Variants in INPP4B observed in about 807,000 individuals in gnomAD.
INPP4B encodes inositol polyphosphate-4-phosphatase type II B.
A neutral mutation model predicts 122.5 loss-of-function variants in INPP4B; 55 were observed. That is an observed-to-expected ratio of 0.45 (90% CI 0.36 to 0.56). The LOEUF (loss-of-function observed/expected upper bound fraction) is 0.56, where lower values mean the gene tolerates loss of function less well. INPP4B is among the 20% of genes least tolerant of loss of function. The pLI is 0.00. For missense variants in INPP4B, 1,000 were observed against 1,097.7 expected (o/e 0.91, Z 1.26); for synonymous variants, 403 against 388.7 (o/e 1.04, Z -0.43).
intron 5 of INPP4B, among the ~76,000 whole-genome samples, chr4:142,420,049 C>T (rs1806538268): frequency 6.6e-6 from 1 of 151,614 alleles, no homozygotes; most frequent in Non-Finnish European, 1.5e-5. Context: ...AGGTAAACCA[C>T]AAAGAAGTAG....
rs181792139 is a variant in INPP4B, at chr4:142,126,230, G to A, written c.1721-1470C>T. 3.8e-4 allele frequency among the ~76,000 whole-genome samples: 58 copies of A among 152,142 alleles called. No individual in the cohort carries two copies. In the East Asian group the frequency reaches 4.1e-3, roughly 11 times the overall value. On this transcript the variant is annotated intron_variant, in intron 18 of 25. Transcript: ENST00000262992. ...TTTGATATGAATGAGTGCATGCTGC[G>A]AAATTAATTATAAAGCAGGAACTGA...
intron 9 of INPP4B, among the ~76,000 whole-genome samples, chr4:142,299,169 TGGGG>T (rs71250020): frequency 0.2 from 29,749 of 145,270 alleles, 4,244 homozygotes; most frequent in African/African-American, 0.4. Context: ...TTTTTTTTTT[TGGGG>T]GGGAGACAGA....
intron 1 of INPP4B, chr4:142,767,787 T>C (rs1305920817): frequency 6.6e-6 from 1 of 152,160 alleles, no homozygotes; most frequent in African/African-American, 2.4e-5. Context: ...GAATGCCTCT[T>C]AGAATTGTCC....
chr4:142,646,216 G>A (rs1270746642), intron 2 of INPP4B, among the ~76,000 whole-genome samples: 6 of 152,070 alleles, frequency 3.9e-5, no homozygotes, highest in African/African-American at 1.4e-4. Context: ...TCTCAATGAA[G>A]TTGATTTTTA....
chr4:142,074,745 A>C (rs1769581940), intron 25 of INPP4B, among the ~76,000 whole-genome samples: 1 of 152,096 alleles, frequency 6.6e-6, no homozygotes. Context: ...GATCTCAAAA[A>C]CTTGATATCA....
chr4:142,364,045 G>T (rs899298525), intron 7 of INPP4B, among the ~76,000 whole-genome samples: 3 of 151,906 alleles, frequency 2.0e-5, no homozygotes, highest in Non-Finnish European at 4.4e-5. Flanking sequence ...TTCTAGAAAA[G>T]CAATATAGCT....
chr4:142,234,201 C>T (rs1855682243), intron 12 of INPP4B, among the ~76,000 whole-genome samples: 1 of 152,158 alleles, frequency 6.6e-6, no homozygotes, highest in African/African-American at 2.4e-5. Flanking sequence ...GCTCTTTGTC[C>T]TGCACATCTA....
intron 14 of INPP4B, among the ~76,000 whole-genome samples, chr4:142,206,543 TA>T (rs1842672199): frequency 6.6e-6 from 1 of 151,902 alleles, no homozygotes. Context: ...TAGAAAACAA[TA>T]AAGTTTAATT....
At chr4:142,463,236 A>T (rs1468180591) in intron 2 of INPP4B, among the ~76,000 whole-genome samples, 1 of 152,208 alleles carries the variant, frequency 6.6e-6, no homozygotes, top group African/African-American at 2.4e-5. Context: ...TGGATCAGAT[A>T]TATTTATTCT....
chr4:142,295,772 T>C (rs1181503270), intron 9 of INPP4B, among the ~76,000 whole-genome samples: 3 of 151,918 alleles, frequency 2.0e-5, no homozygotes, highest in Non-Finnish European at 2.9e-5. Context: ...TAGAGGACTT[T>C]CAAACTTATT....
intron 1 of INPP4B, among the ~76,000 whole-genome samples, chr4:142,751,283 C>CAAAAA (rs70949187): frequency 8.6e-5 from 9 of 105,054 alleles, no homozygotes; most frequent in Non-Finnish European, 1.2e-4. Context: ...TTAACTGTGT[C>CAAAAA]AAAAAAAAAA....
intron 1 of INPP4B, among the ~76,000 whole-genome samples, chr4:142,825,671 A>G (rs2151166610): frequency 6.6e-6 from 1 of 152,234 alleles, no homozygotes; most frequent in Admixed American, 6.5e-5. Flanking sequence ...GAGTTAGAGT[A>G]TATGGGGAGA....
At chr4:142,634,159 T>C (rs906034204) in intron 2 of INPP4B, among the ~76,000 whole-genome samples, 2 of 152,186 alleles carry the variant, frequency 1.3e-5, no homozygotes, top group Non-Finnish European at 2.9e-5. Flanking sequence ...AACATGTGAA[T>C]AAATAGATAA....
intron 8 of INPP4B, among the ~76,000 whole-genome samples, chr4:142,312,846 A>G (rs960165695): frequency 1.3e-5 from 2 of 152,158 alleles, no homozygotes; most frequent in Non-Finnish European, 2.9e-5. Flanking sequence ...GAGCCAGCAA[A>G]TCAGTATCTG....
At chr4:142,769,589 T>G (rs1772718473) in intron 1 of INPP4B, among the ~76,000 whole-genome samples, 1 of 152,136 alleles carries the variant, frequency 6.6e-6, no homozygotes, top group Admixed American at 6.6e-5. Context: ...TACTCTTAAG[T>G]GATTGTTCTT....
intron 2 of INPP4B, among the ~76,000 whole-genome samples, chr4:142,499,394 T>A (rs1459044793): frequency 6.6e-6 from 1 of 152,134 alleles, no homozygotes; most frequent in Non-Finnish European, 1.5e-5. Context: ...TTAGAAGGGA[T>A]TTTAACAAGA....
rs150030422 is a variant in INPP4B at position 142,364,376 on chromosome 4, C to A, written c.372+38562G>T. ...TGAAGAGGTCATCAAAAGCCATAGA[C>A]ACTTGCAATAGACTCTTGGCCTCAC... On this transcript the variant is annotated intron_variant, in intron 7 of 25. Transcript: ENST00000262992. Among the ~76,000 whole-genome samples, 947 of 152,010 alleles carry A rather than the reference C, an allele frequency of 6.2e-3. 11 individuals carry two copies. The highest frequency in any genetic ancestry group is 0.021 in the African/African-American group (864 of 41,476).
At chr4:142,795,650 T>C (rs1488000258) in intron 1 of INPP4B, 2 of 152,034 alleles carry the variant, frequency 1.3e-5, no homozygotes, top group African/African-American at 4.8e-5. Context: ...GAACAGTATC[T>C]GTCACATAGT....
At chr4:142,332,735 T>C (rs1361196637) in intron 7 of INPP4B, among the ~76,000 whole-genome samples, 2 of 150,374 alleles carry the variant, frequency 1.3e-5, no homozygotes, top group African/African-American at 4.9e-5. Flanking sequence ...CCCTGCGCAG[T>C]GGCTCACGCC....
Sources: allele counts gnomAD v4.1 joint callset (sites outside exome capture counted in the v4.1 genomes callset), GRCh38; gene constraint gnomAD v4.1.1; transcripts MANE v1.5; gene names NCBI Gene and HGNC (gene_info 2026-07-23, HGNC 2026-07-21).